TP63: variants seen among roughly 807,000 people sequenced by gnomAD.
The protein encoded by TP63 is tumor protein p63.
Under a neutral mutation model 82.8 loss-of-function variants are expected in TP63, and 17 were observed. That is an observed-to-expected ratio of 0.21 (90% CI 0.14 to 0.31). The LOEUF is 0.31. TP63 is among the 10% of genes least tolerant of loss of function. TP63 has a pLI of 1.00. For missense variants in TP63, 648 were observed against 895.3 expected (o/e 0.72, Z 3.52); for synonymous variants, 330 against 321.7 (o/e 1.03, Z -0.28).
At chr3:189,609,975 T>G in the TP63 span, among the ~76,000 whole-genome samples, 1 of 152,214 alleles carries the variant, frequency 6.6e-6, no homozygotes, top group Non-Finnish European at 1.5e-5. Context: ...CCATGACAGT[T>G]GAACTAATTT....
chr3:189,653,233 T>G (rs918387856), intron 1 of TP63, among the ~76,000 whole-genome samples: 23 of 152,214 alleles, frequency 1.5e-4, no homozygotes. Context: ...AACATACATA[T>G]GCCAGGACAG....
intron 3 of TP63, among the ~76,000 whole-genome samples, chr3:189,757,425 A>C (rs1402952330): frequency 6.6e-6 from 1 of 152,248 alleles, no homozygotes; most frequent in Admixed American, 6.5e-5. Flanking sequence ...AACAAGGATC[A>C]GGATTGATAT....
At chr3:189,836,685 G>A (rs1432333654) in intron 4 of TP63, among the ~76,000 whole-genome samples, 1 of 152,066 alleles carries the variant, frequency 6.6e-6, no homozygotes, top group Non-Finnish European at 1.5e-5. Flanking sequence ...CCCCATCAGT[G>A]CTCCTAGACA....
At chr3:189,731,121 C>T (rs9849184) in intron 1 of TP63, among the ~76,000 whole-genome samples, 59,299 of 151,870 alleles carry the variant, frequency 0.39, 11,790 homozygotes, top group African/African-American at 0.47. Flanking sequence ...GGCAGGTGGA[C>T]CACCTGAGGT....
intron 1 of TP63, among the ~76,000 whole-genome samples, chr3:189,673,180 C>T (rs1414166833): frequency 6.6e-6 from 1 of 152,094 alleles, no homozygotes; most frequent in Non-Finnish European, 1.5e-5. Flanking sequence ...ATAGATGCAG[C>T]AAATTTTTTC....
chr3:189,649,351 T>A (rs1233806059), intron 1 of TP63, among the ~76,000 whole-genome samples: 1 of 146,948 alleles, frequency 6.8e-6, no homozygotes, highest in Non-Finnish European at 1.5e-5. Context: ...AGGCTATTAT[T>A]CTTAGCAAAC....
chr3:189,629,787 C>T (rs974670645), upstream of TP63, among the ~76,000 whole-genome samples: 3 of 152,310 alleles, frequency 2.0e-5, no homozygotes, highest in African/African-American at 7.2e-5. Context: ...TAAATGGAAT[C>T]ACTTGGCTGT....
intron 1 of TP63, among the ~76,000 whole-genome samples, chr3:189,632,460 G>A (rs536211739): frequency 6.6e-6 from 1 of 152,098 alleles, no homozygotes; most frequent in South Asian, 2.1e-4. Context: ...CTGTAGACTA[G>A]TAGAGTGTGA....
chr3:189,857,579 A>G (rs1374914598), intron 4 of TP63, among the ~76,000 whole-genome samples: 3 of 152,212 alleles, frequency 2.0e-5, no homozygotes, highest in African/African-American at 7.2e-5. Context: ...TTTTAAATGT[A>G]TATCTGATAA....
At chr3:189,685,830 C>T (rs957307937) in intron 1 of TP63, among the ~76,000 whole-genome samples, 1 of 152,116 alleles carries the variant, frequency 6.6e-6, no homozygotes, top group East Asian at 1.9e-4. Flanking sequence ...TAATATATTT[C>T]TCCTTCTTAA....
intron 3 of TP63, among the ~76,000 whole-genome samples, chr3:189,756,290 T>A (rs1027861478): frequency 1.3e-5 from 2 of 152,132 alleles, no homozygotes; most frequent in African/African-American, 4.8e-5. Context: ...ATCCTCTAAT[T>A]TTTGGAAAGT....
chr3:189,741,612 A>G (rs1720995737), intron 3 of TP63, among the ~76,000 whole-genome samples: 1 of 152,234 alleles, frequency 6.6e-6, no homozygotes. Flanking sequence ...CTCTCACCAT[A>G]CAAGAAATAT....
At chr3:189,781,594 C>T (rs1232264223) in intron 3 of TP63, among the ~76,000 whole-genome samples, 1 of 127,470 alleles carries the variant, frequency 7.8e-6, no homozygotes, top group African/African-American at 3.0e-5. Context: ...TCTGTTTTGC[C>T]TAGGGATTTT....
At chr3:189,866,336 TC>T (rs1345072356) in intron 5 of TP63, among the ~76,000 whole-genome samples, 4 of 152,182 alleles carry the variant, frequency 2.6e-5, no homozygotes, top group African/African-American at 9.7e-5. Flanking sequence ...TTTGCTTATT[TC>T]CCTTTCATTT....
chr3:189,767,932 C>CAATA (rs1723069157), intron 3 of TP63, among the ~76,000 whole-genome samples: 1 of 152,052 alleles, frequency 6.6e-6, no homozygotes. Context: ...TCGTCACTTA[C>CAATA]AATAATCTAA....
chr3:189,596,772 A>G, the TP63 span, among the ~76,000 whole-genome samples: 1 of 152,080 alleles, frequency 6.6e-6, no homozygotes, highest in Non-Finnish European at 1.5e-5. Context: ...CACCTTCCAC[A>G]CTGTGGAAGC....
At chr3:189,789,377 G>A (rs1269914568) in intron 3 of TP63, among the ~76,000 whole-genome samples, 3 of 151,822 alleles carry the variant, frequency 2.0e-5, no homozygotes, top group African/African-American at 7.3e-5. Flanking sequence ...CGGTTTGTTT[G>A]GGGAGATTTG....
intron 1 of TP63, among the ~76,000 whole-genome samples, chr3:189,705,285 T>C (rs1202538619): frequency 6.6e-6 from 1 of 152,186 alleles, no homozygotes; most frequent in Non-Finnish European, 1.5e-5. Flanking sequence ...TCCTCATATG[T>C]AAAATGGGGA....
intron 10 of TP63, among the ~76,000 whole-genome samples, chr3:189,877,515 C>G (rs1719373060): frequency 6.6e-6 from 1 of 152,192 alleles, no homozygotes; most frequent in Non-Finnish European, 1.5e-5. Context: ...TTACTTTCCT[C>G]TGGAAATTTA....
Sources: allele counts gnomAD v4.1 joint callset (sites outside exome capture counted in the v4.1 genomes callset), GRCh38; gene constraint gnomAD v4.1.1; transcripts MANE v1.5; gene names NCBI Gene and HGNC (gene_info 2026-07-23, HGNC 2026-07-21).